The following PCDHGA7 variants were observed in gnomAD, a reference collection of about 807,000 sequenced individuals.
PCDHGA7 encodes protocadherin gamma subfamily A, 7, also known as protocadherin gamma-A7.
A neutral mutation model predicts 58.3 loss-of-function variants in PCDHGA7; 44 were observed. That is an observed-to-expected ratio of 0.75 (90% CI 0.59 to 0.97). The LOEUF is 0.97. Ranked by LOEUF, PCDHGA7 falls within the 50% of genes least tolerant of loss-of-function variation. The pLI, the probability that PCDHGA7 is intolerant of heterozygous loss-of-function variation, is 0.00. For missense variants in PCDHGA7, 1,266 were observed against 1,188.7 expected, an observed-to-expected ratio of 1.06 and a Z score of -0.96; for synonymous variants, 516 against 504.2, an observed-to-expected ratio of 1.02 and a Z score of -0.31.
Position 141,489,065 on chromosome 5 carries a change from C to T in PCDHGA7, c.2425-5742C>T, listed in dbSNP as rs558074504. On this transcript the variant is annotated intron_variant, in intron 1 of 3. Coordinates refer to ENST00000518325, the MANE Select transcript of PCDHGA7 (RefSeq NM_018920.4). This position sits in a 1 kb window ranked among gnomAD's most constrained non-coding sequence, Gnocchi z 4.5. ...CCACTCAAATTCAGCTCCCCTCCCC[C>T]CTGCCCACCCCCGCCACTCGGTGAC... 3.3e-5 allele frequency: 13 copies of T among 388,932 alleles called. 1 individual carries two copies. Among genetic ancestry groups the T allele is most frequent in the African/African-American group, 8.5e-5 (4 of 47,158 alleles). 24.1% of individuals were successfully genotyped at this position (388,932 alleles called of 1,614,324 possible).
Position 141,477,968 on chromosome 5 carries a change from C to T in PCDHGA7, c.2425-16839C>T. 6.2e-7 allele frequency: 1 copy of T among 1,614,140 alleles called. No individual in the cohort carries two copies. Among genetic ancestry groups the T allele is most frequent in the Non-Finnish European group, 8.5e-7 (1 of 1,180,042 alleles). The stretch of plus-strand genomic sequence containing the variant: ...TCTCTTGGGATCCCCTAACCAGAGC[C>T]TTTTTGCCATAGGGCTGCACACTGG... On this transcript the variant is annotated intron_variant, in intron 1 of 3. Transcript: ENST00000518325. The surrounding 1 kb of genome is among the most constrained non-coding windows in gnomAD (Gnocchi z 4.9).
chr5:141,500,445 G>A (rs1319009998), intron 2 of PCDHGA7, among the ~76,000 whole-genome samples: 1 of 151,816 alleles, frequency 6.6e-6, no homozygotes, highest in Non-Finnish European at 1.5e-5. Flanking sequence ...TCCTGACCTC[G>A]TGATCCGCCC....
intron 1 of PCDHGA7, chr5:141,399,951 C>A (rs749264259): frequency 6.2e-7 from 1 of 1,612,120 alleles, no homozygotes; most frequent in Non-Finnish European, 8.5e-7. Flanking sequence ...TGCAGGCTAG[C>A]GAGCCCGGGC....
At chr5:141,410,888 C>G in intron 1 of PCDHGA7, 1 of 290,774 alleles carries the variant, frequency 3.4e-6, no homozygotes, top group Non-Finnish European at 5.6e-6. Flanking sequence ...GAGTCTCGCA[C>G]TGTTGCCTAG....
chr5:141,485,341 G>C lies in PCDHGA7; in HGVS notation c.2425-9466G>C. 1.2e-6 allele frequency: 2 copies of C among 1,614,118 alleles called. No homozygotes were observed. Among genetic ancestry groups the C allele is most frequent in the Non-Finnish European group, 8.5e-7 (1 of 1,180,022 alleles). ...TCGCTCAAGATTTCCTGCTGGATAC[G>C]GACAGTCTGTCAGCTCGCAGGCTGC... On this transcript the variant is annotated intron_variant, in intron 1 of 3. Coordinates refer to ENST00000518325, the MANE Select transcript of PCDHGA7 (RefSeq NM_018920.4). The surrounding 1 kb of genome is among the most constrained non-coding windows in gnomAD (Gnocchi z 5.7).
intron 1 of PCDHGA7, chr5:141,421,290 G>C (rs2096561632): frequency 6.2e-7 from 1 of 1,613,130 alleles, no homozygotes; most frequent in African/African-American, 1.3e-5. Flanking sequence ...GCATTTTCCT[G>C]GGGACGCTGC....
intron 1 of PCDHGA7, among the ~76,000 whole-genome samples, chr5:141,425,440 A>G (rs1438530374): frequency 2.0e-5 from 3 of 152,248 alleles, no homozygotes; most frequent in Non-Finnish European, 4.4e-5. Flanking sequence ...GAGGATAAAA[A>G]TAAAACACCA....
At chr5:141,510,286 A>G (rs1011677966) in intron 3 of PCDHGA7, among the ~76,000 whole-genome samples, 1 of 151,770 alleles carries the variant, frequency 6.6e-6, no homozygotes, top group African/African-American at 2.4e-5. Flanking sequence ...AAAAAAAAAA[A>G]AAAAATGCTG....
In PCDHGA7 at chr5:141,485,132, T is replaced by C. The variant is rs1020670896; in HGVS notation, c.2425-9675T>C. On this transcript the variant is annotated intron_variant, in intron 1 of 3. Transcript: ENST00000518325. This position sits in a 1 kb window ranked among gnomAD's most constrained non-coding sequence, Gnocchi z 5.7. ...GGCTGTTTGGGGCGGGTCGGCTTCATCCGCGTCTCAGGAGCAAGTAGAGAA... is the reference window on the plus strand; with the variant it reads ...GGCTGTTTGGGGCGGGTCGGCTTCACCCGCGTCTCAGGAGCAAGTAGAGAA... 8.1e-6 allele frequency: 12 copies of C among 1,489,136 alleles called. No individual in the cohort carries two copies. Among genetic ancestry groups the C allele is most frequent in the East Asian group, 2.3e-5 (1 of 44,214 alleles). The allele number at this position is 1,489,136 out of a possible 1,614,324, so 92.2% of individuals were successfully genotyped here.
At chr5:141,439,190 CAA>C (rs200519543) in intron 1 of PCDHGA7, among the ~76,000 whole-genome samples, 3 of 111,702 alleles carry the variant, frequency 2.7e-5, no homozygotes, top group Non-Finnish European at 4.0e-5. Flanking sequence ...GAGACTCTGA[CAA>C]AAAAAAAAAA....
In PCDHGA7 at chr5:141,432,113, T is replaced by G. The variant is rs1174697940; in HGVS notation, c.2424+46790T>G. 1 of 1,614,078 alleles carries G rather than the reference T, an allele frequency of 6.2e-7. No homozygotes were observed. The highest frequency in any genetic ancestry group is 8.5e-7 in the Non-Finnish European group (1 of 1,180,006). On this transcript the variant is annotated intron_variant, in intron 1 of 3. Coordinates refer to ENST00000518325, the MANE Select transcript of PCDHGA7 (RefSeq NM_018920.4). The surrounding 1 kb of genome is among the most constrained non-coding windows in gnomAD (Gnocchi z 6.0). ...AGACACCAACGACAACCCGCCGGTC[T>G]TCCCTCAGGCCTCCTATTCCGCTTA... is the stretch of plus-strand genomic sequence containing the variant.
At chr5:141,435,925 A>G (rs978837252) in intron 1 of PCDHGA7, among the ~76,000 whole-genome samples, 16 of 152,166 alleles carry the variant, frequency 1.1e-4, no homozygotes, top group Non-Finnish European at 1.5e-5. Context: ...AAAATGCGGC[A>G]GTTGCTGCTT....
chr5:141,416,223 A>AT, intron 1 of PCDHGA7: 1 of 152,302 alleles, frequency 6.6e-6, no homozygotes, highest in East Asian at 1.9e-4. Flanking sequence ...GTATGCTTAG[A>AT]TTTTTCCAGC....
At chr5:141,399,656 T>G in intron 1 of PCDHGA7, 1 of 1,613,694 alleles carries the variant, frequency 6.2e-7, no homozygotes, top group Non-Finnish European at 8.5e-7. Context: ...AGTGGGGTGG[T>G]GTTCGCGCAG....
At chr5:141,389,664 G>T (rs1182835621) in intron 1 of PCDHGA7, 1 of 1,612,328 alleles carries the variant, frequency 6.2e-7, no homozygotes, top group African/African-American at 1.3e-5. Context: ...GGCGGTGGAC[G>T]CAGACTCAGG....
chr5:141,460,576 G>A (rs2098992216), intron 1 of PCDHGA7, among the ~76,000 whole-genome samples: 1 of 152,082 alleles, frequency 6.6e-6, no homozygotes, highest in Non-Finnish European at 1.5e-5. Flanking sequence ...ACATATGTAG[G>A]TGTGGGTTTT....
intron 1 of PCDHGA7, chr5:141,419,262 G>C: frequency 1.9e-6 from 3 of 1,614,014 alleles, no homozygotes; most frequent in Non-Finnish European, 2.5e-6. Context: ...AACCAGCCGG[G>C]TGCCTCCATA....
At chr5:141,449,920 A>G (rs1287640011) in intron 1 of PCDHGA7, among the ~76,000 whole-genome samples, 1 of 151,842 alleles carries the variant, frequency 6.6e-6, no homozygotes, top group East Asian at 1.9e-4. Context: ...TTTAAATTCT[A>G]CCATACCTTA....
In PCDHGA7 at chr5:141,511,161, G is replaced by A; in HGVS notation, c.2787G>A (p.Lys929=). 1 of 1,614,176 alleles carries A rather than the reference G, an allele frequency of 6.2e-7. No individual in the cohort carries two copies. The highest frequency in any genetic ancestry group is 8.5e-7 in the Non-Finnish European group (1 of 1,180,010). ...GNGNKKKSGK[K]EKK ...GCAACAAGAAGAAGTCGGGCAAGAA[G>A]GAGAAGAAGTAACATGGAGGCCAGG... Residue 929 remains lysine, a synonymous_variant, in exon 4 of 4, where the codon AAG becomes AAA. Transcript: ENST00000518325.
Sources: gnomAD v4.1 joint callset for allele counts (sites outside exome capture counted in the v4.1 genomes callset) on GRCh38, gnomAD v4.1.1 for gene constraint, Gnocchi (gnomAD v3.1) non-coding constraint, MANE v1.5 for transcripts, NCBI Gene and HGNC (gene_info 2026-07-23, HGNC 2026-07-21) for gene names.